HNF1A: variants seen among roughly 807,000 people sequenced by gnomAD.
HNF1A encodes hepatocyte nuclear factor 1-alpha.
In HNF1A, 21 loss-of-function variants were observed where a neutral mutation model predicts 62.2. The observed-to-expected ratio is 0.34, with a 90% CI of 0.24 to 0.49. The LOEUF (loss-of-function observed/expected upper bound fraction) is 0.49. Ranked by LOEUF, HNF1A falls within the 20% of genes least tolerant of loss-of-function variation. The pLI is 0.99. For missense variants in HNF1A, 687 were observed against 832.3 expected, an observed-to-expected ratio of 0.83 and a Z score of 2.15; for synonymous variants, 374 against 366.8, an observed-to-expected ratio of 1.02 and a Z score of -0.22.
At position 120,980,367 on chromosome 12, in the gene HNF1A, G is replaced by C. The variant is rs1876191959; in HGVS notation, c.326+1273G>C. ...TCTGTCCAAGGTCCTGATCCCAGCT[G>C]GGGTGGGGGAGGGCTGGTGGATTCC... On this transcript the variant is annotated intron_variant, in intron 1 of 9. Transcript: ENST00000257555. Among the ~76,000 whole-genome samples the C allele has an allele frequency of 1.3e-5, 2 of 152,138 alleles. 1 individual carries two copies. Among genetic ancestry groups the C allele is most frequent in the South Asian group, 4.1e-4 (2 of 4,830 alleles).
chr12:120,994,382 C>A lies in HNF1A; in HGVS notation c.932C>A (p.Ala311Asp), dbSNP rs757574765. Residue 311 changes from alanine (A) to aspartate (D), a missense_variant, in exon 4 of 10, where the codon GCC becomes GAC. By Grantham distance (126) the Ala-to-Asp change is moderately radical. Around this residue, in one of 5 missense-constraint regions of HNF1A, gnomAD observed 408 missense variants for 455.3 expected, o/e 0.90. Coordinates refer to ENST00000257555, the MANE Select transcript of HNF1A (RefSeq NM_000545.8). ...AHSSPGLPPP[A>D]LSPSKVHGVR... ...AGCTCCCCTGGCCTGCCTCCACCTG[C>A]CCTCTCCCCCAGTAAGGTCCACGGT... The A allele has an allele frequency of 2.5e-6, 4 of 1,592,242 alleles. No homozygotes were observed. In the East Asian group the frequency reaches 6.8e-5, roughly 27 times the overall value.
rs769492388 is a variant in HNF1A at position 120,997,621 on chromosome 12, A to G, written c.1457A>G (p.Gln486Arg). 2 of 1,613,662 alleles carry G rather than the reference A, an allele frequency of 1.2e-6. No homozygotes were observed. The highest frequency in any genetic ancestry group is 3.3e-5 in the Admixed American group (2 of 59,976). ...CCACCTGTGCAGAGCCATGTGACCC[A>G]GAGCCCCTTCATGGCCACCATGGCT... ...LMPPVQSHVTQSPFMATMAQL... is the reference protein window; with the variant it reads ...LMPPVQSHVTRSPFMATMAQL... Residue 486 changes from glutamine (Q) to arginine (R), a missense_variant, in exon 7 of 10, where the codon CAG (glutamine) becomes CGG (arginine). This residue lies in a region of HNF1A where 408 missense variants were observed against 455.3 expected (regional missense o/e 0.90). Coordinates refer to ENST00000257555, the MANE Select transcript of HNF1A (RefSeq NM_000545.8).
At chr12:120,997,201 C>T in intron 6 of HNF1A, 5 of 1,417,280 alleles carry the variant, frequency 3.5e-6, no homozygotes, top group Non-Finnish European at 4.6e-6. Flanking sequence ...AACCCCAGGG[C>T]TCCAGGGAAC....
At chr12:120,997,331 C>T in intron 6 of HNF1A, 143 bp from the exon 7 acceptor site, 2 of 1,320,368 alleles carry the variant, frequency 1.5e-6, no homozygotes, top group Non-Finnish European at 2.0e-6. Flanking sequence ...TGGCAGGTCC[C>T]AGTGGAGGGC....
Position 121,002,275 on chromosome 12 carries a change from A to G in HNF1A, c.*1083A>G. The G allele has an allele frequency of 2.3e-6, 1 of 441,904 alleles. No homozygotes were observed. Among genetic ancestry groups the G allele is most frequent in the Non-Finnish European group, 4.3e-6 (1 of 232,566 alleles). The allele number at this position is 441,904 out of a possible 1,614,324, so 27.4% of individuals were successfully genotyped here. On this transcript the variant is annotated 3_prime_UTR_variant, in exon 10 of 10. Transcript: ENST00000257555. Reference sequence around the variant, plus strand: ...CTGAGGGCAGTTCGCAGCCACCCTGAGGAGTCTGAGGTCCTGAGCACTGCC... The same window carrying G: ...CTGAGGGCAGTTCGCAGCCACCCTGGGGAGTCTGAGGTCCTGAGCACTGCC...
intron 2 of HNF1A, 58 bp downstream of exon 2, chr12:120,989,090 TC>T: frequency 3.9e-6 from 6 of 1,534,496 alleles, no homozygotes; most frequent in Non-Finnish European, 5.4e-6. Context: ...CTCCCCTAAC[TC>T]ATAGGTGGGG....
chr12:120,989,098 G>A (rs12427353), intron 2 of HNF1A, 66 bp downstream of exon 2: 13 of 1,480,970 alleles, frequency 8.8e-6, no homozygotes, highest in South Asian at 4.7e-5. Flanking sequence ...ACTCATAGGT[G>A]GGGGCTGGAA....
chr12:120,980,376 G>T (rs1876192658), intron 1 of HNF1A, among the ~76,000 whole-genome samples: 1 of 152,136 alleles, frequency 6.6e-6, no homozygotes, highest in Admixed American at 6.5e-5. Context: ...TGGGGTGGGG[G>T]AGGGCTGGTG....
chr12:120,997,818 G>A, intron 7 of HNF1A, 153 bp downstream of exon 7: 2 of 823,812 alleles, frequency 2.4e-6, no homozygotes, highest in Non-Finnish European at 4.1e-6. Flanking sequence ...AGGCCAGTGT[G>A]TTCCCATGTG....
intron 7 of HNF1A, chr12:120,997,942 C>T: frequency 1.6e-6 from 1 of 631,814 alleles, no homozygotes; most frequent in East Asian, 2.7e-5. Flanking sequence ...TTCTCTGAAA[C>T]TCTTAGGGCC....
At chr12:120,987,250 A>G (rs1471007205) in intron 1 of HNF1A, among the ~76,000 whole-genome samples, 1 of 151,942 alleles carries the variant, frequency 6.6e-6, no homozygotes, top group Admixed American at 6.6e-5. Context: ...CGAGGCAGGC[A>G]GATCACAAGA....
intron 9 of HNF1A, chr12:121,000,761 A>T: frequency 2.3e-6 from 1 of 441,992 alleles, no homozygotes; most frequent in Non-Finnish European, 4.3e-6. Flanking sequence ...AGCAGCGCCT[A>T]GATTAGTGTT....
At chr12:120,997,113 C>G in intron 6 of HNF1A, 1 of 1,403,856 alleles carries the variant, frequency 7.1e-7, no homozygotes, top group Non-Finnish European at 9.3e-7. Context: ...TATGCAGAAG[C>G]CCAGTACATA....
chr12:120,996,616 G>T lies in HNF1A; in HGVS notation c.1183G>T (p.Gly395Cys). Residue 395 changes from glycine (G) to cysteine (C), a missense_variant, in exon 6 of 10, where the codon GGC becomes TGC. This residue lies in a region of HNF1A where 408 missense variants were observed against 455.3 expected (regional missense o/e 0.90). Transcript: ENST00000257555. This position sits in a 1 kb window ranked among gnomAD's most constrained non-coding sequence, Gnocchi z 4.5. ...ALHSLEQTSP[G>C]LNQQPQNLIM... ...GCACAGCTTGGAGCAGACATCCCCA[G>T]GCCTCAACCAGCAGCCCCAGAACCT... The T allele has an allele frequency of 6.2e-7, 1 of 1,614,028 alleles. No individual in the cohort carries two copies.
chr12:120,987,103 T>C (rs537232666), intron 1 of HNF1A, among the ~76,000 whole-genome samples: 3 of 152,196 alleles, frequency 2.0e-5, no homozygotes, highest in East Asian at 3.9e-4. Flanking sequence ...ACCCACAGAG[T>C]AGGATTCCAG....
intron 2 of HNF1A, among the ~76,000 whole-genome samples, chr12:120,990,219 G>A (rs1876749571): frequency 6.6e-6 from 1 of 152,010 alleles, no homozygotes. Context: ...TCGGCTCACT[G>A]CAAGCTCCGC....
At position 120,996,014 on chromosome 12, in the gene HNF1A, A is replaced by G. The variant is rs1877080412; in HGVS notation, c.956-248A>G. On this transcript the variant is annotated intron_variant, in intron 4 of 9. Coordinates refer to ENST00000257555, the MANE Select transcript of HNF1A (RefSeq NM_000545.8). The surrounding 1 kb of genome is among the most constrained non-coding windows in gnomAD (Gnocchi z 4.5). ...TTGTCTTCTACTGAGCACCTACTGC[A>G]TGTCAGGTATAGCACTAGGCAGTGG... 6.6e-6 allele frequency among the ~76,000 whole-genome samples: 1 copy of G among 152,250 alleles called. No homozygotes were observed. Among genetic ancestry groups the G allele is most frequent in the Admixed American group, 6.5e-5 (1 of 15,286 alleles).
chr12:120,988,407 C>T (rs1305953132), intron 1 of HNF1A, among the ~76,000 whole-genome samples: 7 of 150,680 alleles, frequency 4.6e-5, no homozygotes, highest in African/African-American at 1.7e-4. Flanking sequence ...CATCCATCCA[C>T]CCATTCGCCC....
chr12:120,990,557 T>C (rs1214318043), intron 2 of HNF1A, among the ~76,000 whole-genome samples: 1 of 147,786 alleles, frequency 6.8e-6, no homozygotes, highest in African/African-American at 2.5e-5. Flanking sequence ...CTGGACAACA[T>C]GGCAAGGTTC....
Sources: allele counts gnomAD v4.1 joint callset (sites outside exome capture counted in the v4.1 genomes callset), GRCh38; gene constraint gnomAD v4.1.1; regional missense constraint gnomAD v4.1.1; non-coding constraint Gnocchi (gnomAD v3.1); transcripts MANE v1.5; gene names NCBI Gene and HGNC (gene_info 2026-07-23, HGNC 2026-07-21).